FSD1L: variants seen among roughly 807,000 people sequenced by gnomAD.
FSD1L encodes the protein FSD1-like protein.
A neutral mutation model predicts 71.6 loss-of-function variants in FSD1L; 45 were observed. The observed-to-expected ratio is 0.63, with a 90% CI of 0.49 to 0.81. The LOEUF is 0.81. Among genes scored for constraint, FSD1L ranks in the 30% least tolerant of loss-of-function variants. The probability of loss-of-function intolerance (pLI) is 0.00; values close to 1 mark genes in which losing one functional copy is unlikely to be tolerated. For synonymous variants in FSD1L, 197 were observed against 207.2 expected, an observed-to-expected ratio of 0.95 and a Z score of 0.42; for missense variants, 561 against 618.1, an observed-to-expected ratio of 0.91 and a Z score of 0.98.
chr9:105,523,866 C>A (rs1835337932), intron 10 of FSD1L: 18 of 1,594,890 alleles, frequency 1.1e-5, no homozygotes, highest in Non-Finnish European at 1.5e-5. Context: ...ACTTGGTTTG[C>A]CTGGTGCCAC....
intron 5 of FSD1L, among the ~76,000 whole-genome samples, chr9:105,476,039 A>G (rs1304399750): frequency 1.3e-5 from 2 of 152,222 alleles, no homozygotes; most frequent in Non-Finnish European, 2.9e-5. Flanking sequence ...AAGATACTTT[A>G]TCTTCAAAGT....
intron 5 of FSD1L, among the ~76,000 whole-genome samples, chr9:105,474,688 A>T (rs1477612377): frequency 1.3e-5 from 2 of 152,212 alleles, no homozygotes; most frequent in Non-Finnish European, 1.5e-5. Flanking sequence ...CTTAAATGAG[A>T]TTAATATGAA....
chr9:105,448,365 A>C, intron 1 of FSD1L, 130 bp downstream of exon 1: 2 of 840,462 alleles, frequency 2.4e-6, no homozygotes, highest in Non-Finnish European at 1.7e-6. Context: ...GCTGCTGCGG[A>C]GGGCAAGGCC....
chr9:105,468,115 CTCTTT>C (rs1831193901), intron 3 of FSD1L, 73 bp from the exon 4 acceptor site: 5 of 938,562 alleles, frequency 5.3e-6, no homozygotes, highest in Non-Finnish European at 7.2e-6. Flanking sequence ...AATTTATTCT[CTCTTT>C]TGGGCATACC....
At chr9:105,545,689 T>C (rs1429628741) in intron 13 of FSD1L, among the ~76,000 whole-genome samples, 1 of 152,122 alleles carries the variant, frequency 6.6e-6, no homozygotes, top group African/African-American at 2.4e-5. Context: ...AATCATGTGG[T>C]TTTTGTCTTT....
At chr9:105,465,640 A>G (rs575755627) in intron 3 of FSD1L, among the ~76,000 whole-genome samples, 1 of 152,250 alleles carries the variant, frequency 6.6e-6, no homozygotes, top group South Asian at 2.1e-4. Flanking sequence ...TAACAAAACT[A>G]AAGACAAAAA....
chr9:105,489,958 T>A (rs867966013), intron 7 of FSD1L, among the ~76,000 whole-genome samples: 95 of 152,320 alleles, frequency 6.2e-4, no homozygotes, highest in African/African-American at 2.3e-3. Context: ...AGTGCTGCAA[T>A]AAACATACGT....
At chr9:105,544,389 T>C in intron 13 of FSD1L, among the ~76,000 whole-genome samples, 1 of 152,248 alleles carries the variant, frequency 6.6e-6, no homozygotes, top group Middle Eastern at 3.2e-3. Context: ...CTGTTCACTC[T>C]GATGGTAGTT....
At chr9:105,488,557 G>A (rs548247086) in intron 7 of FSD1L, among the ~76,000 whole-genome samples, 1 of 152,114 alleles carries the variant, frequency 6.6e-6, no homozygotes, top group African/African-American at 2.4e-5. Flanking sequence ...GAATAGTATG[G>A]TAAAAGTGTG....
At chr9:105,528,424 C>A (rs1835665603) in intron 10 of FSD1L, among the ~76,000 whole-genome samples, 1 of 152,130 alleles carries the variant, frequency 6.6e-6, no homozygotes, top group Non-Finnish European at 1.5e-5. Flanking sequence ...GGCACTGGTA[C>A]CAAAACAGAT....
chr9:105,474,042 A>G (rs183407482), intron 5 of FSD1L, among the ~76,000 whole-genome samples: 1 of 152,346 alleles, frequency 6.6e-6, no homozygotes. Context: ...AATTACAACC[A>G]TGTGTCGCTT....
intron 5 of FSD1L, among the ~76,000 whole-genome samples, chr9:105,474,581 T>C (rs1350458615): frequency 1.3e-5 from 2 of 152,236 alleles, no homozygotes; most frequent in Non-Finnish European, 2.9e-5. Context: ...GAGAGATGAC[T>C]TTGGAGATTA....
chr9:105,481,998 C>T (rs1832237465), intron 6 of FSD1L, among the ~76,000 whole-genome samples: 1 of 152,110 alleles, frequency 6.6e-6, no homozygotes, highest in African/African-American at 2.4e-5. Flanking sequence ...TGGTCTCAAA[C>T]TCCTGGGCTC....
intron 7 of FSD1L, among the ~76,000 whole-genome samples, chr9:105,493,696 G>C (rs1833128346): frequency 6.6e-6 from 1 of 152,020 alleles, no homozygotes; most frequent in African/African-American, 2.4e-5. Flanking sequence ...GGCAGGCCTG[G>C]TGGTGACAAA....
upstream of FSD1L, among the ~76,000 whole-genome samples, chr9:105,444,931 T>C (rs2131539628): frequency 6.6e-6 from 1 of 152,366 alleles, no homozygotes; most frequent in East Asian, 1.9e-4. Context: ...GGGATAAGGC[T>C]GGACAATTTG....
intron 13 of FSD1L, among the ~76,000 whole-genome samples, chr9:105,541,028 A>G (rs941658935): frequency 2.0e-5 from 3 of 152,132 alleles, no homozygotes; most frequent in Admixed American, 6.5e-5. Context: ...TTTTGCATGT[A>G]TATTCTTCTG....
At chr9:105,458,520 G>A (rs1411376544) in intron 1 of FSD1L, among the ~76,000 whole-genome samples, 2 of 152,166 alleles carry the variant, frequency 1.3e-5, no homozygotes, top group African/African-American at 4.8e-5. Context: ...GTCCTGAAAT[G>A]GGTAGTCCTG....
intron 2 of FSD1L, among the ~76,000 whole-genome samples, chr9:105,463,334 C>A (rs555958910): frequency 6.0e-4 from 92 of 152,212 alleles, no homozygotes; most frequent in Non-Finnish European, 8.8e-5. Context: ...GAGAAAATTA[C>A]AAAGTATTAA....
chr9:105,450,534 C>CTTTTTTTTTTTT (rs35115121), intron 1 of FSD1L, among the ~76,000 whole-genome samples: 27 of 137,930 alleles, frequency 2.0e-4, no homozygotes, highest in African/African-American at 6.7e-4. Flanking sequence ...GGATTGTGTT[C>CTTTTTTTTTTTT]TTTTTTTTTT....
Sources: gnomAD v4.1 joint callset for allele counts (sites outside exome capture counted in the v4.1 genomes callset) on GRCh38, gnomAD v4.1.1 for gene constraint, MANE v1.5 for transcripts, NCBI Gene and HGNC (gene_info 2026-07-23, HGNC 2026-07-21) for gene names.